ATG7: variants seen among roughly 807,000 people sequenced by gnomAD.
ATG7 encodes autophagy related 7.
A neutral mutation model predicts 82.4 loss-of-function variants in ATG7; 70 were observed. The ratio of observed to expected loss-of-function variants is 0.85; its 90% CI spans 0.70 to 1.04. The LOEUF is 1.04. Ranked by LOEUF, ATG7 falls within the 50% of genes least tolerant of loss-of-function variation. The pLI, the probability that ATG7 is intolerant of heterozygous loss-of-function variation, is 0.00. For synonymous variants in ATG7, 287 were observed against 313.0 expected (o/e 0.92, Z 0.88); for missense variants, 792 against 864.3 (o/e 0.92, Z 1.05).
chr3:11,369,416 C>T (rs1196590742), intron 18 of ATG7, among the ~76,000 whole-genome samples: 3 of 151,024 alleles, frequency 2.0e-5, no homozygotes, highest in Non-Finnish European at 3.0e-5. Flanking sequence ...CATCTTATTT[C>T]CCTCCCTCCA....
At chr3:11,410,083 T>C (rs1018804410) in intron 19 of ATG7, among the ~76,000 whole-genome samples, 2 of 152,104 alleles carry the variant, frequency 1.3e-5, no homozygotes, top group Non-Finnish European at 2.9e-5. Flanking sequence ...TACAATCAGC[T>C]TGTTTTATAT....
At chr3:11,508,991 T>A (rs2091899543) in intron 20 of ATG7, among the ~76,000 whole-genome samples, 1 of 152,228 alleles carries the variant, frequency 6.6e-6, no homozygotes, top group South Asian at 2.1e-4. Flanking sequence ...AGACAGACTT[T>A]TTCCAAACAA....
intron 20 of ATG7, among the ~76,000 whole-genome samples, chr3:11,519,620 G>T (rs1265431666): frequency 2.1e-5 from 3 of 140,940 alleles, no homozygotes; most frequent in Non-Finnish European, 3.0e-5. Context: ...AGTGCAGTGG[G>T]GCGATCTTGG....
chr3:11,372,827 C>CGT (rs56253429), intron 18 of ATG7, among the ~76,000 whole-genome samples: 1 of 127,508 alleles, frequency 7.8e-6, no homozygotes, highest in South Asian at 2.4e-4. Flanking sequence ...CGCGCGTGTG[C>CGT]GTGTGTGTGC....
chr3:11,501,707 T>A (rs866266215), intron 20 of ATG7, among the ~76,000 whole-genome samples: 17 of 152,322 alleles, frequency 1.1e-4, no homozygotes, highest in Middle Eastern at 3.4e-3. Flanking sequence ...TTTTTATTTT[T>A]TAGACAGAGT....
rs905907855 is a variant in ATG7, at chr3:11,556,756, A to G, written c.*1913A>G. The G allele has an allele frequency of 6.5e-6, 1 of 152,676 alleles. No individual in the cohort carries two copies. Among genetic ancestry groups the G allele is most frequent in the Non-Finnish European group, 1.5e-5 (1 of 68,046 alleles). 9.5% of individuals were successfully genotyped at this position (152,676 alleles called of 1,614,324 possible). A position where few individuals can be genotyped will look rare whatever the true frequency, so the allele number is the denominator to read the frequency against. Reference sequence around the variant, plus strand: ...TACATTCTTTACGCACAGCGTAACGATGGTCTCAAAATCACCCATATAGAA... The same window carrying G: ...TACATTCTTTACGCACAGCGTAACGGTGGTCTCAAAATCACCCATATAGAA... On this transcript the variant is annotated 3_prime_UTR_variant, in exon 21 of 21. Coordinates refer to ENST00000693202, the MANE Select transcript of ATG7 (RefSeq NM_001349232.2).
chr3:11,324,536 T>C (rs1361459221), intron 9 of ATG7, among the ~76,000 whole-genome samples: 1 of 152,212 alleles, frequency 6.6e-6, no homozygotes, highest in East Asian at 1.9e-4. Flanking sequence ...CCTGCTTTTA[T>C]GGGTAAGTGG....
At chr3:11,280,210 C>T (rs547723206) in intron 1 of ATG7, among the ~76,000 whole-genome samples, 2 of 152,032 alleles carry the variant, frequency 1.3e-5, no homozygotes, top group South Asian at 4.1e-4. Flanking sequence ...CCATGCCCGG[C>T]CCTTTTTTTG....
chr3:11,448,597 G>A (rs2084802474), intron 20 of ATG7, among the ~76,000 whole-genome samples: 1 of 152,238 alleles, frequency 6.6e-6, no homozygotes, highest in African/African-American at 2.4e-5. Context: ...CAAATGAGCA[G>A]TTGTGGGGTA....
intron 20 of ATG7, among the ~76,000 whole-genome samples, chr3:11,470,841 C>G (rs2087420813): frequency 6.6e-6 from 1 of 152,200 alleles, no homozygotes; most frequent in Non-Finnish European, 1.5e-5. Context: ...GACTCCAAGT[C>G]TGAGGAAGGC....
chr3:11,432,049 A>G (rs1209024853), intron 20 of ATG7, among the ~76,000 whole-genome samples: 2 of 152,224 alleles, frequency 1.3e-5, no homozygotes, highest in Non-Finnish European at 2.9e-5. Flanking sequence ...TAGCAGGCAA[A>G]TTACCAAGTT....
chr3:11,314,806 G>A (rs1949164905), intron 8 of ATG7, among the ~76,000 whole-genome samples: 1 of 152,050 alleles, frequency 6.6e-6, no homozygotes, highest in African/African-American at 2.4e-5. Flanking sequence ...AGCCATGGTG[G>A]TGTGTGCCTG....
rs184882372 is a variant in ATG7, at chr3:11,362,947, G to A, written c.1799+19G>A. The A allele has an allele frequency of 1.8e-5, 29 of 1,605,634 alleles. No individual in the cohort carries two copies. The highest frequency in any genetic ancestry group is 3.3e-4 in the Middle Eastern group (2 of 6,042). ...CAGAAGGGTGAGTTTGCTAGTAGGA[G>A]ATGAGTATTTAAACAAAGCTTTTGT... On this transcript the variant is annotated intron_variant, in intron 17 of 20. Coordinates refer to ENST00000693202, the MANE Select transcript of ATG7 (RefSeq NM_001349232.2).
intron 19 of ATG7, among the ~76,000 whole-genome samples, chr3:11,406,295 G>A (rs1173789183): frequency 6.6e-6 from 1 of 151,900 alleles, no homozygotes; most frequent in South Asian, 2.1e-4. Flanking sequence ...CAGCCCATAT[G>A]TAGCATTTCT....
chr3:11,516,043 AAAAC>A (rs1387048554), intron 20 of ATG7, among the ~76,000 whole-genome samples: 7 of 151,524 alleles, frequency 4.6e-5, no homozygotes, highest in African/African-American at 1.2e-4. Context: ...AAAAAAAAAA[AAAAC>A]AAAAAAACAT....
rs368015932 is a variant in ATG7, at chr3:11,370,473, A to G, written c.1875+5739A>G. Among the ~76,000 whole-genome samples the G allele has an allele frequency of 1.1e-4, 16 of 151,286 alleles. No individual in the cohort carries two copies. The East Asian group carries it at 2.7e-3, about 25-fold the overall frequency. ...ATTGAACTTGATTAAGACTCTTTTC[A>G]GCATCCAAGATCGATCTGGAGTTTG... On this transcript the variant is annotated intron_variant, in intron 18 of 20. Coordinates refer to ENST00000693202, the MANE Select transcript of ATG7 (RefSeq NM_001349232.2).
chr3:11,522,685 C>T (rs1284845994), intron 20 of ATG7, among the ~76,000 whole-genome samples: 2 of 152,110 alleles, frequency 1.3e-5, no homozygotes, highest in African/African-American at 2.4e-5. Context: ...AATGGTCTAC[C>T]CAAAGCTTTC....
chr3:11,518,728 T>C lies in ATG7; in HGVS notation c.2080-36083T>C, dbSNP rs551183028. On this transcript the variant is annotated intron_variant, in intron 20 of 20. Coordinates refer to ENST00000693202, the MANE Select transcript of ATG7 (RefSeq NM_001349232.2). ...TTTCCCAGAGTGGCCCATACCCAAA[T>C]TGATAATCAGGATTGTGGAAGCATA... Among the ~76,000 whole-genome samples, 58 of 152,142 alleles carry C rather than the reference T, an allele frequency of 3.8e-4. 2 individuals are homozygous for C. Among genetic ancestry groups the C allele is most frequent in the Non-Finnish European group, 2.9e-5 (2 of 68,018 alleles).
chr3:11,550,752 A>C (rs141976127), intron 20 of ATG7, among the ~76,000 whole-genome samples: 1 of 151,444 alleles, frequency 6.6e-6, no homozygotes, highest in East Asian at 1.9e-4. Flanking sequence ...GTATGTTGTT[A>C]TGTTTTCTCT....
Sources: gnomAD v4.1 joint callset for allele counts (sites outside exome capture counted in the v4.1 genomes callset) on GRCh38, gnomAD v4.1.1 for gene constraint, MANE v1.5 for transcripts, NCBI Gene and HGNC (gene_info 2026-07-23, HGNC 2026-07-21) for gene names.